The following VWF variants were observed in gnomAD, a reference collection of about 807,000 sequenced individuals.
VWF encodes the protein Factor VIII related antigen.
In VWF, 176 loss-of-function variants were observed where a neutral mutation model predicts 308.6. The ratio of observed to expected loss-of-function variants is 0.57; its 90% CI spans 0.50 to 0.65. The LOEUF (loss-of-function observed/expected upper bound fraction) is 0.65. VWF is among the 30% of genes least tolerant of loss of function. The pLI, the probability that VWF is intolerant of heterozygous loss-of-function variation, is 0.00. For missense variants in VWF, 3,146 were observed against 3,648.2 expected, an observed-to-expected ratio of 0.86 and a Z score of 3.55; for synonymous variants, 1,385 against 1,443.4, an observed-to-expected ratio of 0.96 and a Z score of 0.92.
intron 42 of VWF, among the ~76,000 whole-genome samples, chr12:5,979,154 TG>T (rs1474608853): frequency 6.6e-6 from 1 of 152,348 alleles, no homozygotes; most frequent in Admixed American, 6.5e-5. Context: ...CATCAACTCA[TG>T]GCTATGAAAA....
chr12:6,025,098 CA>C (rs1168729244), intron 24 of VWF, among the ~76,000 whole-genome samples: 16 of 150,962 alleles, frequency 1.1e-4, no homozygotes, highest in Admixed American at 1.1e-3. Context: ...GATGAAGACA[CA>C]AAAATAAGTC....
intron 17 of VWF, among the ~76,000 whole-genome samples, chr12:6,045,892 C>T (rs1220913142): frequency 6.6e-6 from 1 of 152,172 alleles, no homozygotes; most frequent in East Asian, 1.9e-4. Context: ...CCCCCAGTAC[C>T]AGGTCAGCCC....
chr12:6,116,947 A>T (rs1945373502), intron 3 of VWF, among the ~76,000 whole-genome samples: 1 of 152,146 alleles, frequency 6.6e-6, no homozygotes, highest in Non-Finnish European at 1.5e-5. Flanking sequence ...GCAGGGCCCA[A>T]GTCCTGGGCT....
intron 47 of VWF, among the ~76,000 whole-genome samples, chr12:5,965,063 G>A (rs1218972622): frequency 1.3e-5 from 2 of 152,200 alleles, no homozygotes; most frequent in African/African-American, 4.8e-5. Flanking sequence ...GGCTGCTGCT[G>A]GCTGGGGGTA....
chr12:6,120,141 T>C (rs564588051), intron 3 of VWF, among the ~76,000 whole-genome samples: 3 of 152,260 alleles, frequency 2.0e-5, no homozygotes, highest in African/African-American at 7.2e-5. Context: ...CAGTCCCCGC[T>C]GACTGATGGA....
chr12:6,103,414 A>G (rs868655787), intron 5 of VWF, among the ~76,000 whole-genome samples: 2 of 115,642 alleles, frequency 1.7e-5, no homozygotes, highest in Middle Eastern at 4.2e-3. Context: ...GTGTATACAC[A>G]CGTGTGTGTA....
intron 5 of VWF, among the ~76,000 whole-genome samples, chr12:6,101,709 G>A (rs1296411488): frequency 1.3e-5 from 2 of 152,138 alleles, no homozygotes; most frequent in Non-Finnish European, 1.5e-5. Context: ...CCGGCAGGCG[G>A]AGGTTGCTGT....
At chr12:6,041,923 G>A (rs114848160) in intron 18 of VWF, among the ~76,000 whole-genome samples, 353 of 152,316 alleles carry the variant, frequency 2.3e-3, no homozygotes, top group African/African-American at 8.1e-3. Context: ...ACTGATGGGT[G>A]CAGCCTCTGA....
intron 5 of VWF, among the ~76,000 whole-genome samples, chr12:6,099,872 G>A (rs1209437732): frequency 1.4e-4 from 22 of 151,974 alleles, no homozygotes; most frequent in South Asian, 6.2e-4. Context: ...CAATGGCAAC[G>A]AAAGCCAAAA....
At position 5,996,156 on chromosome 12, in the gene VWF, C is replaced by A; in HGVS notation, c.5909G>T (p.Gly1970Val). ...TTGAAATAGGACATAAGAACAGCTG[C>A]CAGTCAGCTTGAAATTCTGCCCATC... ...TFDGQNFKLT[G>V]SCSYVLFQNK... The change falls in exon 35 of 52, where the codon GGC becomes GTC. Residue 1970 changes from glycine (G) to valine (V), a missense_variant. This residue lies in a region of VWF where 989 missense variants were observed against 1,117.4 expected (regional missense o/e 0.89). Transcript: ENST00000261405. The A allele has an allele frequency of 6.2e-7, 1 of 1,614,092 alleles. No individual in the cohort carries two copies. The highest frequency in any genetic ancestry group is 8.5e-7 in the Non-Finnish European group (1 of 1,180,024).
rs1943785742 is a variant in VWF at position 5,994,517 on chromosome 12, A to G, written c.6154T>C (p.Phe2052Leu). Residue 2052 changes from phenylalanine to leucine, a missense_variant, in exon 36 of 52, where the codon TTC (phenylalanine) becomes CTC (leucine). By Grantham distance (22) the Phe-to-Leu change is conservative. Transcript: ENST00000261405. ...GTGAAGATGTGACCAAGGTGATTGA[A>G]TCTGACCTCATGCATGATGGCACCA... The part of the protein sequence containing the change: ...VYGAIMHEVR[F>L]NHLGHIFTFT... 6.2e-7 allele frequency: 1 copy of G among 1,613,964 alleles called. No individual in the cohort carries two copies. The highest frequency in any genetic ancestry group is 1.3e-5 in the African/African-American group (1 of 74,924).
intron 13 of VWF, among the ~76,000 whole-genome samples, chr12:6,062,317 C>T (rs1211253832): frequency 6.6e-6 from 1 of 151,940 alleles, no homozygotes; most frequent in Non-Finnish European, 1.5e-5. Context: ...CTATCCTAGC[C>T]CTGGAAGTTC....
At chr12:6,088,823 G>A (rs1253658044) in intron 6 of VWF, among the ~76,000 whole-genome samples, 1 of 152,214 alleles carries the variant, frequency 6.6e-6, no homozygotes, top group African/African-American at 2.4e-5. Context: ...TGAAAAAACT[G>A]CAAATTTGCA....
intron 5 of VWF, among the ~76,000 whole-genome samples, chr12:6,105,280 G>C (rs1682112033): frequency 1.3e-5 from 2 of 152,244 alleles, no homozygotes; most frequent in South Asian, 4.1e-4. Context: ...CCAGGCTAGA[G>C]TGCAGTGGGG....
At chr12:6,072,019 C>T (rs1345712412) in intron 9 of VWF, among the ~76,000 whole-genome samples, 1 of 152,192 alleles carries the variant, frequency 6.6e-6, no homozygotes, top group Non-Finnish European at 1.5e-5. Flanking sequence ...TGATACAGCC[C>T]TCCTCCAGGG....
intron 18 of VWF, among the ~76,000 whole-genome samples, chr12:6,037,566 G>A (rs1944351186): frequency 6.6e-6 from 1 of 152,208 alleles, no homozygotes; most frequent in African/African-American, 2.4e-5. Context: ...AGAAGAGTCA[G>A]CCAAACCCAC....
At chr12:6,116,981 G>A (rs998971124) in intron 3 of VWF, among the ~76,000 whole-genome samples, 1 of 151,878 alleles carries the variant, frequency 6.6e-6, no homozygotes, top group Non-Finnish European at 1.5e-5. Flanking sequence ...CAGTGCCCCT[G>A]GCTGCCCTGA....
chr12:5,987,951 C>A (rs1001744496), intron 38 of VWF, among the ~76,000 whole-genome samples: 4 of 152,154 alleles, frequency 2.6e-5, no homozygotes, highest in African/African-American at 9.7e-5. Context: ...TCAAATTGTA[C>A]ACTTTAAATA....
chr12:6,034,669 C>T lies in VWF; in HGVS notation c.2685+19G>A. ...CCTAGAAAGAAACAGCACCCTCTCC[C>T]CATCTCCCCACCTCTCACCTGCACC... On this transcript the variant is annotated intron_variant, in intron 20 of 51. Transcript: ENST00000261405. 1.2e-6 allele frequency: 2 copies of T among 1,613,918 alleles called. No homozygotes were observed. The highest frequency in any genetic ancestry group is 2.7e-5 in the African/African-American group (2 of 75,038).
Sources: allele counts gnomAD v4.1 joint callset (sites outside exome capture counted in the v4.1 genomes callset), GRCh38; gene constraint gnomAD v4.1.1; regional missense constraint gnomAD v4.1.1; transcripts MANE v1.5; gene names NCBI Gene and HGNC (gene_info 2026-07-23, HGNC 2026-07-21).